The following ZNF516 variants were observed in gnomAD, a reference collection of about 807,000 sequenced individuals.
The protein encoded by ZNF516 is zinc finger protein 516.
Under a neutral mutation model 79.7 loss-of-function variants are expected in ZNF516, and 19 were observed. That is an observed-to-expected ratio of 0.24 (90% CI 0.17 to 0.35). The LOEUF is 0.35. Among genes scored for constraint, ZNF516 ranks in the 10% least tolerant of loss-of-function variants. ZNF516 has a pLI of 1.00. For synonymous variants in ZNF516, 877 were observed against 739.5 expected, an observed-to-expected ratio of 1.19 and a Z score of -3.02; for missense variants, 1,678 against 1,679.5, an observed-to-expected ratio of 1.00 and a Z score of 0.02.
chr18:76,476,825 G>GA (rs1171588545), intron 1 of ZNF516, among the ~76,000 whole-genome samples: 1 of 152,208 alleles, frequency 6.6e-6, no homozygotes, highest in African/African-American at 2.4e-5. Context: ...TGACTGGATA[G>GA]AAACAGCCTA....
At chr18:76,369,919 T>C (rs2074675010) in intron 6 of ZNF516, among the ~76,000 whole-genome samples, 1 of 152,166 alleles carries the variant, frequency 6.6e-6, no homozygotes, top group Non-Finnish European at 1.5e-5. Context: ...TGGGTGCCTC[T>C]CTACTTTAGA....
At chr18:76,455,184 T>TG (rs1912646779) in intron 2 of ZNF516, among the ~76,000 whole-genome samples, 1 of 152,142 alleles carries the variant, frequency 6.6e-6, no homozygotes, top group African/African-American at 2.4e-5. Context: ...TCGAAGACCA[T>TG]GACACTAATT....
intron 3 of ZNF516, among the ~76,000 whole-genome samples, chr18:76,402,849 G>A (rs1268639182): frequency 6.6e-6 from 1 of 152,060 alleles, no homozygotes; most frequent in Non-Finnish European, 1.5e-5. Flanking sequence ...GACCACAAGT[G>A]ATGAACTGAT....
intron 3 of ZNF516, among the ~76,000 whole-genome samples, chr18:76,406,941 G>T (rs538885967): frequency 6.6e-6 from 1 of 150,660 alleles, no homozygotes; most frequent in East Asian, 1.9e-4. Flanking sequence ...CCGTGCTCCT[G>T]CCTGGGGCTA....
chr18:76,369,685 G>A (rs1016312791), intron 6 of ZNF516, among the ~76,000 whole-genome samples: 2 of 152,150 alleles, frequency 1.3e-5, no homozygotes, highest in African/African-American at 4.8e-5. Context: ...TTCAGCGCAG[G>A]GACACAAACT....
chr18:76,437,491 T>A (rs2075759065), intron 3 of ZNF516, among the ~76,000 whole-genome samples: 1 of 152,068 alleles, frequency 6.6e-6, no homozygotes, highest in Admixed American at 6.6e-5. Context: ...AAATTGCATA[T>A]AATACCAAGG....
At chr18:76,431,236 G>A (rs931417802) in intron 3 of ZNF516, among the ~76,000 whole-genome samples, 1 of 151,590 alleles carries the variant, frequency 6.6e-6, no homozygotes. Flanking sequence ...TTACGAACTT[G>A]TGCCAGAGAC....
intron 3 of ZNF516, among the ~76,000 whole-genome samples, chr18:76,438,647 A>C (rs1252195385): frequency 1.3e-5 from 2 of 152,248 alleles, no homozygotes; most frequent in African/African-American, 4.8e-5. Flanking sequence ...TTCCAGAGGA[A>C]TAGATGGCAA....
chr18:76,363,788 G>T (rs913235185), intron 6 of ZNF516, among the ~76,000 whole-genome samples: 3 of 152,192 alleles, frequency 2.0e-5, no homozygotes, highest in African/African-American at 7.2e-5. Context: ...ATACATTCTG[G>T]AAGGAAAATG....
At chr18:76,458,631 G>A (rs1483889661) in intron 2 of ZNF516, among the ~76,000 whole-genome samples, 8 of 132,648 alleles carry the variant, frequency 6.0e-5, no homozygotes, top group Non-Finnish European at 1.2e-4. Flanking sequence ...ACCGTCGTGC[G>A]TGTGCATGCC....
chr18:76,473,903 T>TGTGTGTTGGG (rs58634236), intron 1 of ZNF516, among the ~76,000 whole-genome samples: 1 of 54,170 alleles, frequency 1.8e-5, no homozygotes, highest in Non-Finnish European at 3.2e-5. Flanking sequence ...TGTTTTTGTG[T>TGTGTGTTGGG]GGGGGGGGGG....
At chr18:76,477,285 A>G (rs1914228666) in intron 1 of ZNF516, among the ~76,000 whole-genome samples, 2 of 152,174 alleles carry the variant, frequency 1.3e-5, no homozygotes, top group African/African-American at 4.8e-5. Flanking sequence ...CTGACCTATC[A>G]AAAGAAGCAT....
chr18:76,437,025 C>T (rs1010804275), intron 3 of ZNF516, among the ~76,000 whole-genome samples: 6 of 150,044 alleles, frequency 4.0e-5, no homozygotes, highest in African/African-American at 1.5e-4. Context: ...TGAGATTGTG[C>T]CACTGCACTC....
intron 4 of ZNF516, among the ~76,000 whole-genome samples, chr18:76,374,800 T>C (rs1159578036): frequency 6.6e-6 from 1 of 152,174 alleles, no homozygotes; most frequent in Non-Finnish European, 1.5e-5. Flanking sequence ...TTGTGATCTT[T>C]ACAGCTGCAG....
At chr18:76,490,141 C>T (rs1915079206) in intron 1 of ZNF516, 14 of 984,924 alleles carry the variant, frequency 1.4e-5, no homozygotes, top group African/African-American at 1.7e-5. Context: ...GAGTCTTACA[C>T]AGAATTCAGT....
At chr18:76,454,864 C>A (rs1430870497) in intron 2 of ZNF516, among the ~76,000 whole-genome samples, 2 of 152,210 alleles carry the variant, frequency 1.3e-5, no homozygotes, top group Non-Finnish European at 2.9e-5. Context: ...GAAAACTTTG[C>A]ACCTGAAGTG....
Position 76,359,699 on chromosome 18 carries a change from T to C in ZNF516, c.*2799A>G, listed in dbSNP as rs544372818. On this transcript the variant is annotated 3_prime_UTR_variant, in exon 7 of 7. Transcript: ENST00000443185. ...CAACCAAACCCTTTATTGTCTAAGT[T>C]ACATTAGACGCAACACTGTAAAAAA... The C allele has an allele frequency of 6.6e-6, 1 of 150,668 alleles. No homozygotes were observed. The highest frequency in any genetic ancestry group is 2.0e-4 in the East Asian group (1 of 5,040). 9.3% of individuals were successfully genotyped at this position (150,668 alleles called of 1,614,324 possible). A position where few individuals can be genotyped will look rare whatever the true frequency, so the allele number is the denominator to read the frequency against.
At chr18:76,458,701 C>T (rs1306283345) in intron 2 of ZNF516, among the ~76,000 whole-genome samples, 3 of 130,600 alleles carry the variant, frequency 2.3e-5, no homozygotes, top group Admixed American at 7.9e-5. Context: ...GTCGTGTGTG[C>T]GTGCCTCACC....
rs746726086 is a variant in ZNF516, at chr18:76,442,651, T to A, written c.404A>T (p.Asp135Val). 2 of 1,587,036 alleles carry A rather than the reference T, an allele frequency of 1.3e-6. No individual in the cohort carries two copies. The highest frequency in any genetic ancestry group is 1.7e-6 in the Non-Finnish European group (2 of 1,172,342). ...GGCCCCGTTCAGGACCCTGGCGCCG[T>A]CGGCCTGCGAGGCCCCGTTCAGCAG... is the stretch of plus-strand genomic sequence containing the variant. The part of the protein sequence containing the change: ...NRLLNGASQA[D>V]GARVLNGASQ... Residue 135 changes from aspartate to valine, a missense_variant, in exon 3 of 7, where the codon GAC becomes GTC. Transcript: ENST00000443185.
Sources: allele counts gnomAD v4.1 joint callset (sites outside exome capture counted in the v4.1 genomes callset), GRCh38; gene constraint gnomAD v4.1.1; transcripts MANE v1.5; gene names NCBI Gene and HGNC (gene_info 2026-07-23, HGNC 2026-07-21).